The following WWOX variants were observed in gnomAD, a reference collection of about 807,000 sequenced individuals.
WWOX encodes the protein WW domain containing oxidoreductase.
A neutral mutation model predicts 46.2 loss-of-function variants in WWOX; 69 were observed. The ratio of observed to expected loss-of-function variants is 1.49; its 90% CI spans 1.23 to 1.82. The LOEUF (loss-of-function observed/expected upper bound fraction) is 1.82, where lower values mean the gene tolerates loss of function less well. Among genes scored for constraint, WWOX ranks in the 40% most tolerant of loss-of-function variants. The probability of loss-of-function intolerance (pLI) is 0.00; values close to 1 mark genes in which losing one functional copy is unlikely to be tolerated. For missense variants in WWOX, 919 were observed against 542.6 expected, an observed-to-expected ratio of 1.69 and a Z score of -6.89; for synonymous variants, 359 against 202.6, an observed-to-expected ratio of 1.77 and a Z score of -6.56.
intron 5 of WWOX, among the ~76,000 whole-genome samples, chr16:78,218,758 C>T (rs963363796): frequency 6.6e-6 from 1 of 152,248 alleles, no homozygotes; most frequent in Non-Finnish European, 1.5e-5. Context: ...CCAGTGTGCG[C>T]CGTGCAGTGT....
chr16:78,662,458 T>G (rs2047237420), intron 8 of WWOX, among the ~76,000 whole-genome samples: 1 of 152,050 alleles, frequency 6.6e-6, no homozygotes, highest in African/African-American at 2.4e-5. Context: ...AAATTATTAC[T>G]CAGTTCAAGA....
rs35079271 is a variant in WWOX at position 78,293,978 on chromosome 16, GAAAAAAAAAAAAAAAA to G, written c.517-92865_517-92850del. ...GGCGACAGAGTGAGACTCTGTCTCA[GAAAAAAAAAAAAAAAA>G]AAAAAAAAAAAAAAAAGGCTTTCCT... is the stretch of plus-strand genomic sequence containing the variant. On this transcript the variant is annotated intron_variant, in intron 5 of 8. Coordinates refer to ENST00000566780, the MANE Select transcript of WWOX (RefSeq NM_016373.4). Among the ~76,000 whole-genome samples the G allele has an allele frequency of 5.3e-4, 16 of 30,324 alleles. 1 individual carries two copies. The highest frequency in any genetic ancestry group is 9.8e-4 in the Admixed American group (2 of 2,048). The allele number at this position is 30,324 out of a possible 152,430, so 19.9% of individuals were successfully genotyped here. A position where few individuals can be genotyped will look rare whatever the true frequency, so the allele number is the denominator to read the frequency against.
intron 5 of WWOX, among the ~76,000 whole-genome samples, chr16:78,198,341 G>A (rs1031176427): frequency 6.6e-6 from 1 of 152,052 alleles, no homozygotes; most frequent in Non-Finnish European, 1.5e-5. Flanking sequence ...CCCATCCCCC[G>A]CATCCGATAC....
At chr16:78,477,095 C>A (rs1419007644) in intron 8 of WWOX, among the ~76,000 whole-genome samples, 1 of 152,058 alleles carries the variant, frequency 6.6e-6, no homozygotes, top group African/African-American at 2.4e-5. Context: ...AGCATAAGAG[C>A]CCTTGAAAGC....
intron 5 of WWOX, among the ~76,000 whole-genome samples, chr16:78,187,245 A>G (rs117211748): frequency 0.045 from 6,892 of 152,256 alleles, 213 homozygotes; most frequent in Non-Finnish European, 0.066. Context: ...CCCTTCACAC[A>G]TGGCCGAGTT....
chr16:78,708,243 A>T (rs1309005901), intron 8 of WWOX, among the ~76,000 whole-genome samples: 2 of 152,226 alleles, frequency 1.3e-5, no homozygotes, highest in Admixed American at 1.3e-4. Context: ...AATTTCAGGT[A>T]AATAACATAT....
At chr16:78,963,974 C>T (rs1351111061) in intron 8 of WWOX, among the ~76,000 whole-genome samples, 1 of 152,158 alleles carries the variant, frequency 6.6e-6, no homozygotes, top group African/African-American at 2.4e-5. Context: ...CAGTTTTTCT[C>T]TTGCCACCAC....
At chr16:78,646,864 C>T (rs759525002) in intron 8 of WWOX, among the ~76,000 whole-genome samples, 19 of 152,254 alleles carry the variant, frequency 1.2e-4, no homozygotes, top group African/African-American at 2.2e-4. Context: ...TGCTGTGTCA[C>T]GCTGTGTTAG....
chr16:78,894,863 T>A (rs1172580371), intron 8 of WWOX, among the ~76,000 whole-genome samples: 1 of 152,204 alleles, frequency 6.6e-6, no homozygotes, highest in Non-Finnish European at 1.5e-5. Flanking sequence ...AGTGACTAAC[T>A]GAGCACTGTG....
intron 8 of WWOX, among the ~76,000 whole-genome samples, chr16:78,650,461 T>A (rs1255372861): frequency 6.6e-6 from 1 of 152,186 alleles, no homozygotes; most frequent in Non-Finnish European, 1.5e-5. Flanking sequence ...CTGTCCACCA[T>A]GACATCAGCC....
intron 8 of WWOX, among the ~76,000 whole-genome samples, chr16:78,885,924 A>ATTTTTTT (rs376409155): frequency 7.4e-6 from 1 of 135,722 alleles, no homozygotes; most frequent in Non-Finnish European, 1.6e-5. Flanking sequence ...TGGGGATGGA[A>ATTTTTTT]TTTTTTTTTT....
chr16:78,889,247 C>A (rs1427896090), intron 8 of WWOX, among the ~76,000 whole-genome samples: 1 of 152,134 alleles, frequency 6.6e-6, no homozygotes, highest in Admixed American at 6.5e-5. Context: ...CAGCTCCACT[C>A]ATTCATTTAT....
chr16:78,750,470 G>T (rs2049449050), intron 8 of WWOX, among the ~76,000 whole-genome samples: 1 of 152,148 alleles, frequency 6.6e-6, no homozygotes, highest in Non-Finnish European at 1.5e-5. Flanking sequence ...AGTAAACTGG[G>T]ATTTATTTTA....
chr16:78,319,309 C>G (rs1055819815), intron 5 of WWOX, among the ~76,000 whole-genome samples: 3 of 152,110 alleles, frequency 2.0e-5, no homozygotes, highest in Non-Finnish European at 2.9e-5. Context: ...ATTTTTGAGA[C>G]AGGGTTTTGC....
At chr16:78,312,148 G>A (rs926572871) in intron 5 of WWOX, among the ~76,000 whole-genome samples, 1 of 152,054 alleles carries the variant, frequency 6.6e-6, no homozygotes, top group Non-Finnish European at 1.5e-5. Context: ...GGTCTCAGCT[G>A]GATAGCTATC....
At chr16:79,087,879 GA>G (rs927955693) in intron 8 of WWOX, among the ~76,000 whole-genome samples, 1 of 152,162 alleles carries the variant, frequency 6.6e-6, no homozygotes, top group African/African-American at 2.4e-5. Context: ...CCTCGGAAAG[GA>G]CAGGATGTGG....
intron 5 of WWOX, among the ~76,000 whole-genome samples, chr16:78,215,060 G>C (rs2036673599): frequency 6.6e-6 from 1 of 152,192 alleles, no homozygotes; most frequent in Non-Finnish European, 1.5e-5. Flanking sequence ...GGGTTTGGTA[G>C]TAGATGTAGG....
intron 8 of WWOX, among the ~76,000 whole-genome samples, chr16:78,770,763 G>A (rs1041890648): frequency 6.7e-6 from 1 of 148,532 alleles, no homozygotes; most frequent in Non-Finnish European, 1.5e-5. Flanking sequence ...CTCTACTGGC[G>A]AAGCTGGACA....
intron 6 of WWOX, among the ~76,000 whole-genome samples, chr16:78,415,422 C>T (rs1450452897): frequency 6.6e-6 from 1 of 152,092 alleles, no homozygotes; most frequent in Non-Finnish European, 1.5e-5. Flanking sequence ...TGACCTGTAT[C>T]TTGTGCTGAC....
Sources: allele counts gnomAD v4.1 joint callset (sites outside exome capture counted in the v4.1 genomes callset), GRCh38; gene constraint gnomAD v4.1.1; transcripts MANE v1.5; gene names NCBI Gene and HGNC (gene_info 2026-07-23, HGNC 2026-07-21).